The following INTS9 variants were observed in gnomAD, a reference collection of about 807,000 sequenced individuals.
INTS9 encodes integrator complex subunit 9.
In INTS9, 55 loss-of-function variants were observed where a neutral mutation model predicts 79.7. The observed-to-expected ratio is 0.69, with a 90% CI of 0.56 to 0.86. INTS9 has a LOEUF of 0.86. Among genes scored for constraint, INTS9 ranks in the 40% least tolerant of loss-of-function variants. INTS9 has a pLI of 0.00. For missense variants in INTS9, 721 were observed against 831.5 expected, an observed-to-expected ratio of 0.87 and a Z score of 1.64; for synonymous variants, 319 against 325.2, an observed-to-expected ratio of 0.98 and a Z score of 0.20.
intron 1 of INTS9, among the ~76,000 whole-genome samples, chr8:28,871,657 C>T (rs901405202): frequency 3.9e-5 from 6 of 152,138 alleles, no homozygotes; most frequent in African/African-American, 9.7e-5. Flanking sequence ...CCGCTCACCT[C>T]GGCCTTCCAA....
At chr8:28,811,128 CTTTT>C (rs34004264) in intron 8 of INTS9, among the ~76,000 whole-genome samples, 3 of 142,176 alleles carry the variant, frequency 2.1e-5, no homozygotes, top group Non-Finnish European at 4.6e-5. Flanking sequence ...CTTTCTCTCT[CTTTT>C]TTTTTTTTTT....
At chr8:28,783,109 C>G (rs977879971) in intron 11 of INTS9, among the ~76,000 whole-genome samples, 1 of 140,678 alleles carries the variant, frequency 7.1e-6, no homozygotes, top group African/African-American at 2.7e-5. Context: ...GGCGCCACTG[C>G]ACTCCAGCCT....
At chr8:28,770,494 C>T (rs1051601847) in intron 15 of INTS9, among the ~76,000 whole-genome samples, 8 of 152,192 alleles carry the variant, frequency 5.3e-5, no homozygotes, top group South Asian at 2.1e-4. Flanking sequence ...TAAGACAAGG[C>T]GGGTCAAGGA....
Position 28,768,043 on chromosome 8 carries a change from A to G in INTS9, c.*103T>C. The stretch of plus-strand genomic sequence containing the variant: ...TTCACTCCTTAAGCCAGAGGACACC[A>G]CAAAGACACAGTTAATGGCCTCTCA... On this transcript the variant is annotated 3_prime_UTR_variant, in exon 17 of 17. Coordinates refer to ENST00000521022, the MANE Select transcript of INTS9 (RefSeq NM_018250.4). The G allele has an allele frequency of 9.3e-7, 1 of 1,074,120 alleles. No individual in the cohort carries two copies. The highest frequency in any genetic ancestry group is 1.4e-5 in the South Asian group (1 of 73,530). 66.5% of individuals were successfully genotyped at this position (1,074,120 alleles called of 1,614,324 possible).
At position 28,796,671 on chromosome 8, in the gene INTS9, G is replaced by A. The variant is rs1563257407; in HGVS notation, c.745-16C>T. On this transcript the variant is annotated splice_polypyrimidine_tract_variant and intron_variant, in intron 8 of 16. Coordinates refer to ENST00000521022, the MANE Select transcript of INTS9 (RefSeq NM_018250.4). ...GGTCCATGGGCTGAAAAAGAACACA[G>A]AAATATGGTTAGTAATTTTAAAAGG... 1 of 1,470,940 alleles carries A rather than the reference G, an allele frequency of 6.8e-7. No homozygotes were observed. Among genetic ancestry groups the A allele is most frequent in the Non-Finnish European group, 9.5e-7 (1 of 1,049,838 alleles). The allele number at this position is 1,470,940 out of a possible 1,614,324, so 91.1% of individuals were successfully genotyped here. A position where few individuals can be genotyped will look rare whatever the true frequency, so the allele number is the denominator to read the frequency against.
At chr8:28,778,049 A>G in intron 12 of INTS9, 96 bp from the exon 13 acceptor site, 1 of 1,368,894 alleles carries the variant, frequency 7.3e-7, no homozygotes, top group South Asian at 1.5e-5. Context: ...ACAGACAGTC[A>G]GGGGGTCAGG....
chr8:28,850,927 T>G (rs540616485), intron 2 of INTS9, among the ~76,000 whole-genome samples: 16 of 152,232 alleles, frequency 1.1e-4, no homozygotes, highest in Non-Finnish European at 2.2e-4. Context: ...TGTTACATTT[T>G]AAAAATCTGA....
chr8:28,830,549 C>T (rs977643766), intron 6 of INTS9, among the ~76,000 whole-genome samples: 23 of 151,054 alleles, frequency 1.5e-4, no homozygotes, highest in Non-Finnish European at 2.8e-4. Context: ...GCTTGAACCC[C>T]GGGAGGTGAA....
At chr8:28,834,417 G>T (rs1806680411) in intron 6 of INTS9, among the ~76,000 whole-genome samples, 1 of 152,208 alleles carries the variant, frequency 6.6e-6, no homozygotes, top group Non-Finnish European at 1.5e-5. Context: ...TCATTCTCTT[G>T]CTCCAACTCA....
chr8:28,882,610 A>G lies in INTS9; in HGVS notation c.9+7264T>C, dbSNP rs113060840. On this transcript the variant is annotated intron_variant, in intron 1 of 16. Coordinates refer to ENST00000521022, the MANE Select transcript of INTS9 (RefSeq NM_018250.4). ...GAAAAAGAGACTCTGATTAAGCCAT[A>G]AATCTGAGAAATGGATTATGCAAGA... Among the ~76,000 whole-genome samples, 681 of 151,582 alleles carry G rather than the reference A, an allele frequency of 4.5e-3. 5 individuals carry two copies. The highest frequency in any genetic ancestry group is 0.015 in the African/African-American group (640 of 41,400).
chr8:28,818,960 C>G (rs1272928250), intron 6 of INTS9, among the ~76,000 whole-genome samples: 1 of 152,164 alleles, frequency 6.6e-6, no homozygotes, highest in Non-Finnish European at 1.5e-5. Context: ...GTAGTATTCT[C>G]TGATGGTAGT....
chr8:28,887,216 ATT>A (rs1474490312), intron 1 of INTS9, among the ~76,000 whole-genome samples: 1 of 152,246 alleles, frequency 6.6e-6, no homozygotes, highest in Admixed American at 6.5e-5. Flanking sequence ...AATGGAACAT[ATT>A]CAACCAAGTT....
intron 1 of INTS9, among the ~76,000 whole-genome samples, chr8:28,859,936 GA>G (rs1471579410): frequency 1.3e-5 from 2 of 152,332 alleles, no homozygotes; most frequent in Admixed American, 1.3e-4. Flanking sequence ...GGATGTCAAT[GA>G]AACTCTAAGC....
At chr8:28,778,291 A>C (rs981813906) in intron 12 of INTS9, among the ~76,000 whole-genome samples, 6 of 152,274 alleles carry the variant, frequency 3.9e-5, no homozygotes, top group African/African-American at 1.4e-4. Flanking sequence ...ATTACAGTTC[A>C]TCACTTATTC....
In INTS9 at chr8:28,768,128, G is replaced by A; in HGVS notation, c.*18C>T. 1 of 1,613,444 alleles carries A rather than the reference G, an allele frequency of 6.2e-7. No homozygotes were observed. The highest frequency in any genetic ancestry group is 8.5e-7 in the Non-Finnish European group (1 of 1,179,652). ...TGAGGGACTGCAGGATTTCAGGGAA[G>A]TAGCTCAGATGGCCCACTCAGAACT... On this transcript the variant is annotated 3_prime_UTR_variant, in exon 17 of 17. Coordinates refer to ENST00000521022, the MANE Select transcript of INTS9 (RefSeq NM_018250.4).
At chr8:28,776,824 A>C (rs1359899807) in intron 13 of INTS9, among the ~76,000 whole-genome samples, 1 of 152,116 alleles carries the variant, frequency 6.6e-6, no homozygotes, top group Admixed American at 6.5e-5. Context: ...CAGGATTAGC[A>C]CCTGACAGAG....
chr8:28,786,572 T>C (rs995106887), intron 11 of INTS9, among the ~76,000 whole-genome samples: 9 of 151,906 alleles, frequency 5.9e-5, no homozygotes, highest in Non-Finnish European at 8.8e-5. Flanking sequence ...GGATTATAGG[T>C]GTGAGCCACC....
rs73554869 is a variant in INTS9 at position 28,884,831 on chromosome 8, C to T, written c.9+5043G>A. On this transcript the variant is annotated intron_variant, in intron 1 of 16. Coordinates refer to ENST00000521022, the MANE Select transcript of INTS9 (RefSeq NM_018250.4). ...GTACTGCAATAGTTGAATCAAGCAC[C>T]GATAAAATGTTGAGGGCTTGTAATT... Among the ~76,000 whole-genome samples, 782 of 152,258 alleles carry T rather than the reference C, an allele frequency of 5.1e-3. 3 individuals carry two copies. The highest frequency in any genetic ancestry group is 0.016 in the African/African-American group (676 of 41,544).
chr8:28,853,800 G>C (rs1440002971), intron 2 of INTS9, among the ~76,000 whole-genome samples: 1 of 151,642 alleles, frequency 6.6e-6, no homozygotes, highest in Non-Finnish European at 1.5e-5. Flanking sequence ...TTGAGGCGGA[G>C]TCCCACCTCC....
Sources: allele counts gnomAD v4.1 joint callset (sites outside exome capture counted in the v4.1 genomes callset), GRCh38; gene constraint gnomAD v4.1.1; transcripts MANE v1.5; gene names NCBI Gene and HGNC (gene_info 2026-07-23, HGNC 2026-07-21).